TAF1: variants seen among roughly 807,000 people sequenced by gnomAD.
The protein encoded by TAF1 is transcription initiation factor TFIID subunit 1.
Under a neutral mutation model 138.5 loss-of-function variants are expected in TAF1, and 2 were observed. That is an observed-to-expected ratio of 0.01 (90% confidence interval 0.01 to 0.05). TAF1 has a LOEUF of 0.05. TAF1 is among the 10% of genes least tolerant of loss of function. The probability of loss-of-function intolerance (pLI) is 1.00; values close to 1 mark genes in which losing one functional copy is unlikely to be tolerated. For synonymous variants in TAF1, 437 were observed against 503.2 expected, an observed-to-expected ratio of 0.87 and a Z score of 1.76; for missense variants, 709 against 1,478.0, an observed-to-expected ratio of 0.48 and a Z score of 8.53.
intron 13 of TAF1, among the ~76,000 whole-genome samples, chrX:71,495,797 G>T (rs1403749423): frequency 8.9e-6 from 1 of 111,819 alleles, no homozygotes; most frequent in Non-Finnish European, 1.9e-5. Context: ...TAGGAGTATT[G>T]GTTGTATGGC....
At chrX:71,427,432 T>C (rs1347834421) in intron 32 of TAF1, among the ~76,000 whole-genome samples, 1 of 111,455 alleles carries the variant, frequency 9.0e-6, no homozygotes, top group Non-Finnish European at 1.9e-5. Flanking sequence ...GTATAGCAAG[T>C]GATAAGCAAG....
At chrX:71,444,153 G>A (rs1437374502) in intron 32 of TAF1, among the ~76,000 whole-genome samples, 4 of 110,166 alleles carry the variant, frequency 3.6e-5, no homozygotes, top group Non-Finnish European at 7.6e-5. Flanking sequence ...GATTACAGGT[G>A]CCTGCTATTA....
rs1249864852 is a variant in TAF1, at chrX:71,514,480, A to AC, written c.1367-14062_1367-14061insC. 2.3e-3 allele frequency among the ~76,000 whole-genome samples: 246 copies of AC among 108,329 alleles called. 1 individual carries two copies. Among genetic ancestry groups the AC allele is most frequent in the African/African-American group, 7.8e-3 (232 of 29,688 alleles). 94.1% of individuals were successfully genotyped at this position (108,329 alleles called of 115,157 possible). On this transcript the variant is annotated intron_variant and NMD_transcript_variant, in intron 13 of 14. Coordinates refer to the TAF1 transcript ENST00000373775. ...AACTAAACCAAAAAAAAAAAAAAAA[A>AC]AAAACCCTCACATGTAGGCGGGGGC...
chrX:71,474,017 C>T (rs1264451908), intron 13 of TAF1, among the ~76,000 whole-genome samples: 1 of 110,596 alleles, frequency 9.0e-6, no homozygotes, highest in Non-Finnish European at 1.9e-5. Flanking sequence ...TGGTGTCGGG[C>T]GCCTGTAATC....
chrX:71,447,496 A>T (rs1388578001), intron 32 of TAF1, among the ~76,000 whole-genome samples: 2 of 110,825 alleles, frequency 1.8e-5, no homozygotes, highest in African/African-American at 6.6e-5. Flanking sequence ...GGAGGTCAGG[A>T]GTTCGAGACC....
At chrX:71,448,022 A>G (rs1340740486) in intron 32 of TAF1, among the ~76,000 whole-genome samples, 1 of 112,112 alleles carries the variant, frequency 8.9e-6, no homozygotes, top group African/African-American at 3.2e-5. Context: ...GAAAAAGCAA[A>G]ATATACTCAG....
chrX:71,448,452 A>G (rs757925885), intron 32 of TAF1, among the ~76,000 whole-genome samples: 3 of 112,342 alleles, frequency 2.7e-5, no homozygotes, highest in Middle Eastern at 4.6e-3. Flanking sequence ...AATGTATATT[A>G]CATACAGAAT....
At chrX:71,367,354 C>T in intron 1 of TAF1, 145 bp from the exon 2 acceptor site, 1 of 656,118 alleles carries the variant, frequency 1.5e-6, no homozygotes, top group Non-Finnish European at 2.4e-6. Context: ...TATTACAGTT[C>T]TCGAACGTGT....
chrX:71,381,238 T>C (rs1420670712), intron 8 of TAF1, among the ~76,000 whole-genome samples: 1 of 112,417 alleles, frequency 8.9e-6, no homozygotes, highest in East Asian at 2.8e-4. Flanking sequence ...AGTATTGCAG[T>C]GGACATTTTT....
chrX:71,428,944 T>C lies in TAF1; in HGVS notation c.4753+4706T>C, dbSNP rs1263238497. Among the ~76,000 whole-genome samples, 6 of 111,997 alleles carry C rather than the reference T, an allele frequency of 5.4e-5. No homozygotes were observed. In the South Asian group the frequency reaches 1.1e-3, roughly 21 times the overall value. On this transcript the variant is annotated intron_variant, in intron 32 of 37. Coordinates refer to ENST00000423759, the MANE Select transcript of TAF1 (RefSeq NM_004606.5). ...ACATGGGGTTAGGATTGTCTTTGTT[T>C]TCATCTTTTATATGTTTTCCGTGGT...
In TAF1 at chrX:71,374,200, A is replaced by T. The variant is rs919892298; in HGVS notation, c.353-967A>T. On this transcript the variant is annotated intron_variant, in intron 3 of 37. Coordinates refer to ENST00000423759, the MANE Select transcript of TAF1 (RefSeq NM_004606.5). ...CCGGTTCAAGTGCTTCTTGTGCCTC[A>T]GCCTCCCAAGTAGCTGGGATTACAG... 1.3e-4 allele frequency among the ~76,000 whole-genome samples: 14 copies of T among 109,907 alleles called. No individual in the cohort carries two copies. In the Admixed American group the frequency reaches 1.4e-3, roughly 11 times the overall value.
intron 13 of TAF1, chrX:71,484,887 A>G (rs1001197277): frequency 8.9e-6 from 1 of 111,886 alleles, no homozygotes; most frequent in Admixed American, 9.6e-5. Flanking sequence ...CTTCAAGGTG[A>G]TGAACTTCAA....
intron 3 of TAF1, among the ~76,000 whole-genome samples, chrX:71,371,956 C>G (rs2033090905): frequency 9.0e-6 from 1 of 111,601 alleles, no homozygotes. Flanking sequence ...TCCTTTTTTT[C>G]TGCTTTGCTA....
chrX:71,412,217 C>T (rs544713986), intron 28 of TAF1, among the ~76,000 whole-genome samples: 2 of 107,480 alleles, frequency 1.9e-5, no homozygotes, highest in African/African-American at 6.8e-5. Context: ...CTCACCCTCT[C>T]GGGCTCAAGG....
chrX:71,401,512 ACTTTTC>A lies in TAF1; in HGVS notation c.3787-10_3787-5del. On this transcript the variant is annotated splice_polypyrimidine_tract_variant and intron_variant, in intron 24 of 37. Transcript: ENST00000423759. ...CCTACTTACCTCTGACGTGTTTGATACTTTTCCTTTTGCAGCTGAAATGTGGGGCAT... is the reference window on the plus strand; with the variant it reads ...CCTACTTACCTCTGACGTGTTTGATACTTTTGCAGCTGAAATGTGGGGCAT... The A allele has an allele frequency of 4.1e-6, 5 of 1,211,042 alleles. No individual in the cohort carries two copies. The highest frequency in any genetic ancestry group is 4.5e-6 in the Non-Finnish European group (4 of 894,910).
At chrX:71,478,967 A>G (rs774434051) in intron 13 of TAF1, among the ~76,000 whole-genome samples, 24 of 112,604 alleles carry the variant, frequency 2.1e-4, no homozygotes, top group Non-Finnish European at 3.7e-4. Flanking sequence ...CTAGGTATAT[A>G]TGCTAGAAAA....
chrX:71,368,030 C>G lies in TAF1; in HGVS notation c.236-24C>G, dbSNP rs774943289. Reference sequence around the variant, plus strand: ...GAGTGAGGGTCGCTTACTGTTGTTGCGATTCTCCCTGCTTTTTTCATAGGG... The same window carrying G: ...GAGTGAGGGTCGCTTACTGTTGTTGGGATTCTCCCTGCTTTTTTCATAGGG... On this transcript the variant is annotated intron_variant, in intron 2 of 37. Transcript: ENST00000423759. 3.0e-5 allele frequency: 36 copies of G among 1,191,926 alleles called. No homozygotes were observed. In the Admixed American group the frequency reaches 5.7e-4, roughly 19 times the overall value.
At position 71,378,306 on chromosome X, in the gene TAF1, C is replaced by T. The variant is rs757867470; in HGVS notation, c.1005C>T (p.Thr335=). ...STGDIDKVTD[T]KPRVAEWRYG... is the part of the protein sequence containing the mutation. Reference sequence around the variant, plus strand: ...GAGATATAGATAAAGTGACAGATACCAAACCAAGAGTGGCTGAGTGGCGTT... The same window carrying T: ...GAGATATAGATAAAGTGACAGATACTAAACCAAGAGTGGCTGAGTGGCGTT... Residue 335 remains threonine, a synonymous_variant, in exon 7 of 38, where the codon ACC becomes ACT. Coordinates refer to ENST00000423759, the MANE Select transcript of TAF1 (RefSeq NM_004606.5). The T allele has an allele frequency of 8.3e-7, 1 of 1,211,726 alleles. No individual in the cohort carries two copies. The highest frequency in any genetic ancestry group is 1.8e-5 in the South Asian group (1 of 56,982).
Position 71,410,263 on chromosome X carries a change from A to G in TAF1, c.4384+2112A>G, listed in dbSNP as rs1377842745. ...GTTATAACCCTCATTTTCCAGATGA[A>G]CATACAGGCCCGTAGTGTTTAAATA... On this transcript the variant is annotated intron_variant, in intron 28 of 37. Transcript: ENST00000423759. Among the ~76,000 whole-genome samples the G allele has an allele frequency of 5.4e-5, 6 of 110,193 alleles. No homozygotes were observed. In the East Asian group the frequency reaches 1.7e-3, roughly 31 times the overall value.
Sources: gnomAD v4.1 joint callset for allele counts (sites outside exome capture counted in the v4.1 genomes callset) on GRCh38, gnomAD v4.1.1 for gene constraint, MANE v1.5 for transcripts, NCBI Gene and HGNC (gene_info 2026-07-23, HGNC 2026-07-21) for gene names.